CECR2: variants seen among roughly 807,000 people sequenced by gnomAD.
CECR2 encodes the protein CECR2 histone acetyl-lysine reader.
CECR2 carries 30 observed loss-of-function variants against 154.5 expected under a neutral mutation model. The observed-to-expected ratio is 0.19, with a 90% confidence interval of 0.15 to 0.26. CECR2 has a LOEUF of 0.26. Among genes scored for constraint, CECR2 ranks in the 10% least tolerant of loss-of-function variants. The pLI is 1.00. For missense variants in CECR2, 1,743 were observed against 1,829.3 expected, an observed-to-expected ratio of 0.95 and a Z score of 0.86; for synonymous variants, 725 against 683.7, an observed-to-expected ratio of 1.06 and a Z score of -0.94.
intron 1 of CECR2, among the ~76,000 whole-genome samples, chr22:17,422,671 C>T (rs1007393557): frequency 6.6e-6 from 1 of 151,380 alleles, no homozygotes; most frequent in African/African-American, 2.4e-5. Flanking sequence ...TGTACCTGTC[C>T]CAGAGTTCTT....
intron 1 of CECR2, among the ~76,000 whole-genome samples, chr22:17,445,423 A>G (rs903325386): frequency 6.6e-5 from 10 of 152,090 alleles, no homozygotes; most frequent in Non-Finnish European, 1.5e-4. Flanking sequence ...AGTCATCTCT[A>G]AGTTTCCATG....
intron 1 of CECR2, among the ~76,000 whole-genome samples, chr22:17,445,981 C>T (rs1210708968): frequency 2.6e-5 from 4 of 152,168 alleles, no homozygotes; most frequent in East Asian, 3.9e-4. Flanking sequence ...GTATTATTCC[C>T]GAATGTTTTC....
rs185568167 is a variant in CECR2, at chr22:17,459,536, C to A, written c.127-18052C>A. ...CCACATTGCCCAGGCTGGTCTTGAA[C>A]TCCTGAGTTCAAGGGACTCCCCCGG... On this transcript the variant is annotated intron_variant, in intron 1 of 18. Transcript: ENST00000262608. 6.0e-4 allele frequency among the ~76,000 whole-genome samples: 92 copies of A among 152,136 alleles called. 1 individual carries two copies. The East Asian group carries it at 0.015, about 24-fold the overall frequency.
chr22:17,432,895 T>C (rs949929179), intron 1 of CECR2, among the ~76,000 whole-genome samples: 1 of 152,210 alleles, frequency 6.6e-6, no homozygotes, highest in Non-Finnish European at 1.5e-5. Context: ...TCTGTCTGAG[T>C]GTGGCTTTAA....
chr22:17,478,202 T>C (rs1170565559), intron 2 of CECR2, among the ~76,000 whole-genome samples: 1 of 152,124 alleles, frequency 6.6e-6, no homozygotes, highest in African/African-American at 2.4e-5. Context: ...TACACGTTTC[T>C]TTGCTATGTG....
intron 1 of CECR2, among the ~76,000 whole-genome samples, chr22:17,472,880 T>G (rs2055150283): frequency 6.6e-6 from 1 of 152,158 alleles, no homozygotes; most frequent in African/African-American, 2.4e-5. Context: ...ATTATCTTCG[T>G]GTATTAGGCA....
intron 1 of CECR2, among the ~76,000 whole-genome samples, chr22:17,413,060 C>T (rs1339488304): frequency 2.8e-4 from 42 of 152,146 alleles, no homozygotes; most frequent in Admixed American, 2.7e-3. Context: ...GGCGCACATG[C>T]CTTTCTTTGG....
rs772574374 is a variant in CECR2 at position 17,549,275 on chromosome 22, G to A, written c.3988G>A (p.Gly1330Arg). 6.2e-7 allele frequency: 1 copy of A among 1,613,994 alleles called. No individual in the cohort carries two copies. The highest frequency in any genetic ancestry group is 8.5e-7 in the Non-Finnish European group (1 of 1,179,894). Reference protein sequence around the residue: ...GTPPPLSSGMGFGSSAFPPHS... With the variant: ...GTPPPLSSGMRFGSSAFPPHS... ...TCCTCCGCCTCTGAGTTCAGGAATG[G>A]GATTTGGTTCATCTGCATTTCCACC... The change falls in exon 17 of 19, where the codon GGA (glycine) becomes AGA (arginine). Residue 1330 changes from glycine to arginine, a missense_variant. Transcript: ENST00000262608.
chr22:17,547,602 C>G (rs980784446), intron 16 of CECR2, among the ~76,000 whole-genome samples: 7 of 152,190 alleles, frequency 4.6e-5, no homozygotes, highest in Non-Finnish European at 8.8e-5. Flanking sequence ...TGAATGTATT[C>G]ATTCAACAAA....
intron 9 of CECR2, among the ~76,000 whole-genome samples, chr22:17,525,319 A>AGGAAG: frequency 7.1e-6 from 1 of 141,212 alleles, no homozygotes; most frequent in South Asian, 2.3e-4. Flanking sequence ...AAAAAAAGAA[A>AGGAAG]GGAAGGGAGG....
intron 8 of CECR2, among the ~76,000 whole-genome samples, chr22:17,515,887 G>A (rs1258051497): frequency 6.6e-6 from 1 of 152,174 alleles, no homozygotes; most frequent in Non-Finnish European, 1.5e-5. Flanking sequence ...GTGTTAGCCA[G>A]GATGGTCTCG....
At chr22:17,481,342 CAAAAAA>C (rs10714119) in intron 2 of CECR2, among the ~76,000 whole-genome samples, 196 of 73,780 alleles carry the variant, frequency 2.7e-3, no homozygotes, top group African/African-American at 9.7e-3. Flanking sequence ...GACTCTGTCT[CAAAAAA>C]AAAAAAAAAA....
At chr22:17,458,411 C>T (rs2146722461) in intron 1 of CECR2, among the ~76,000 whole-genome samples, 1 of 146,356 alleles carries the variant, frequency 6.8e-6, no homozygotes, top group East Asian at 2.0e-4. Flanking sequence ...AAGTCTCTGT[C>T]TCCAAAAAAA....
At chr22:17,419,559 G>GA in intron 1 of CECR2, 1 of 224,886 alleles carries the variant, frequency 4.4e-6, no homozygotes, top group Non-Finnish European at 8.0e-6. Context: ...GGAGGAGGAG[G>GA]AGGAGGAAGA....
chr22:17,423,980 T>C (rs1317685392), intron 1 of CECR2, among the ~76,000 whole-genome samples: 1 of 152,238 alleles, frequency 6.6e-6, no homozygotes, highest in Non-Finnish European at 1.5e-5. Flanking sequence ...CTTTTCCACC[T>C]TAATATTTTC....
intron 8 of CECR2, among the ~76,000 whole-genome samples, chr22:17,523,912 A>G (rs1159331416): frequency 6.6e-6 from 1 of 152,202 alleles, no homozygotes; most frequent in African/African-American, 2.4e-5. Flanking sequence ...TGTTGGACAC[A>G]AAAGTTTTAC....
rs904010511 is a variant in CECR2 at position 17,395,377 on chromosome 22, C to T, written c.126+25468C>T. ...CTTTTTTTTTTGAGATGGAGTCTCG[C>T]TCTGTCGCCCAGGCTGGAGTGCAGT... On this transcript the variant is annotated intron_variant, in intron 1 of 18. Coordinates refer to ENST00000262608, the MANE Select transcript of CECR2 (RefSeq NM_001290047.2). Among the ~76,000 whole-genome samples, 5 of 151,828 alleles carry T rather than the reference C, an allele frequency of 3.3e-5. 1 individual carries two copies. The highest frequency in any genetic ancestry group is 1.2e-4 in the African/African-American group (5 of 41,288).
chr22:17,454,952 G>T (rs1406230019), intron 1 of CECR2, among the ~76,000 whole-genome samples: 1 of 152,192 alleles, frequency 6.6e-6, no homozygotes, highest in African/African-American at 2.4e-5. Flanking sequence ...GAACAAAGGA[G>T]ACAGGGTCAT....
chr22:17,477,161 T>C (rs1403438164), intron 1 of CECR2: 5 of 721,956 alleles, frequency 6.9e-6, no homozygotes, highest in South Asian at 3.0e-5. Flanking sequence ...CTTGAGAAGG[T>C]TGAGTAAATG....
Sources: allele counts gnomAD v4.1 joint callset (sites outside exome capture counted in the v4.1 genomes callset), GRCh38; gene constraint gnomAD v4.1.1; transcripts MANE v1.5; gene names NCBI Gene and HGNC (gene_info 2026-07-23, HGNC 2026-07-21).